The following SLC39A12 variants were observed in gnomAD, a reference collection of about 807,000 sequenced individuals.
SLC39A12 encodes solute carrier family 39 member 12.
In SLC39A12, 63 loss-of-function variants were observed where a neutral mutation model predicts 71.1. The observed-to-expected ratio is 0.89, with a 90% CI of 0.72 to 1.09. The LOEUF is 1.09. SLC39A12 is among the 50% of genes least tolerant of loss of function. The pLI is 0.00. For synonymous variants in SLC39A12, 351 were observed against 301.3 expected, an observed-to-expected ratio of 1.16 and a Z score of -1.71; for missense variants, 892 against 812.6, an observed-to-expected ratio of 1.10 and a Z score of -1.19.
chr10:18,013,120 T>C (rs999097226), intron 12 of SLC39A12, among the ~76,000 whole-genome samples: 11 of 151,442 alleles, frequency 7.3e-5, no homozygotes, highest in African/African-American at 2.7e-4. Flanking sequence ...TGTAATATTA[T>C]AATCTTTATA....
intron 12 of SLC39A12, among the ~76,000 whole-genome samples, chr10:18,021,554 A>G (rs771553786): frequency 2.0e-5 from 3 of 152,072 alleles, no homozygotes; most frequent in Non-Finnish European, 2.9e-5. Context: ...GCATACATTT[A>G]GGTCTTGCTT....
chr10:18,035,571 A>G (rs901982300), intron 12 of SLC39A12, among the ~76,000 whole-genome samples: 1 of 151,924 alleles, frequency 6.6e-6, no homozygotes, highest in Non-Finnish European at 1.5e-5. Flanking sequence ...CAAAGTTTTC[A>G]ACTTCTTTGC....
At chr10:17,959,813 G>C (rs1367530184) in intron 2 of SLC39A12, among the ~76,000 whole-genome samples, 1 of 152,176 alleles carries the variant, frequency 6.6e-6, no homozygotes, top group Admixed American at 6.5e-5. Flanking sequence ...GATTGCAGGA[G>C]CTGGGCATGT....
At chr10:18,019,624 G>A (rs1316444328) in intron 12 of SLC39A12, among the ~76,000 whole-genome samples, 6 of 151,520 alleles carry the variant, frequency 4.0e-5, no homozygotes, top group Non-Finnish European at 7.4e-5. Context: ...TCATTCATTC[G>A]AAACTTTTTT....
chr10:17,985,383 C>A (rs577373444), intron 6 of SLC39A12, among the ~76,000 whole-genome samples: 1 of 151,534 alleles, frequency 6.6e-6, no homozygotes, highest in South Asian at 2.1e-4. Flanking sequence ...AAAGAATGAA[C>A]CTTTTAGAAA....
chr10:18,026,420 C>T (rs1181515859), intron 12 of SLC39A12, among the ~76,000 whole-genome samples: 1 of 152,052 alleles, frequency 6.6e-6, no homozygotes, highest in Non-Finnish European at 1.5e-5. Context: ...TCAGATACTT[C>T]TCATCTTTGC....
chr10:17,998,297 G>T (rs1039738863), intron 10 of SLC39A12, among the ~76,000 whole-genome samples: 1 of 112,678 alleles, frequency 8.9e-6, no homozygotes, highest in Admixed American at 8.0e-5. Flanking sequence ...GTTTCTAGCA[G>T]AGTGTAATAT....
Position 17,993,193 on chromosome 10 carries a change from T to A in SLC39A12, c.1435T>A (p.Leu479Met). 1 of 1,551,400 alleles carries A rather than the reference T, an allele frequency of 6.4e-7. No homozygotes were observed. Among genetic ancestry groups the A allele is most frequent in the Non-Finnish European group, 8.7e-7 (1 of 1,146,784 alleles). Residue 479 changes from leucine (L) to methionine (M), a missense_variant, in exon 9 of 13, where the codon TTG becomes ATG. Leu to Met is a conservative substitution (Grantham distance 15, BLOSUM62 2). Transcript: ENST00000377369. ...VSPNDKQGLS[L>M]VNGHVGHSHH... ...CATCCTCATCCAGCAGGGCCTGTCA[T>A]TGGTTAATGGGCACGTGGGTCATTC...
chr10:17,988,886 G>T (rs867716493), intron 7 of SLC39A12, among the ~76,000 whole-genome samples: 1 of 152,136 alleles, frequency 6.6e-6, no homozygotes, highest in African/African-American at 2.4e-5. Context: ...TCCTGCGATT[G>T]CCAGTCTCTG....
chr10:17,990,389 A>T (rs1423532210), intron 7 of SLC39A12, among the ~76,000 whole-genome samples: 2 of 152,198 alleles, frequency 1.3e-5, no homozygotes, highest in Non-Finnish European at 2.9e-5. Flanking sequence ...ATCTATACAC[A>T]TATAATTTCT....
At chr10:18,015,607 C>T (rs1298285788) in intron 12 of SLC39A12, among the ~76,000 whole-genome samples, 2 of 148,110 alleles carry the variant, frequency 1.4e-5, no homozygotes, top group African/African-American at 2.5e-5. Context: ...TCTAGTAACT[C>T]GAAATATGCT....
At chr10:18,006,176 A>AC (rs1836011856) in intron 12 of SLC39A12, among the ~76,000 whole-genome samples, 2 of 152,260 alleles carry the variant, frequency 1.3e-5, no homozygotes, top group Admixed American at 1.3e-4. Context: ...ATGTGAAAAG[A>AC]CTAGCTAGAT....
intron 12 of SLC39A12, among the ~76,000 whole-genome samples, chr10:18,022,367 T>A (rs73607878): frequency 0.018 from 2,746 of 152,248 alleles, 87 homozygotes; most frequent in African/African-American, 0.062. Context: ...CTGAGTTAAT[T>A]TGAAGAACCA....
At chr10:18,039,000 T>G (rs1837144272) in intron 12 of SLC39A12, among the ~76,000 whole-genome samples, 2 of 152,186 alleles carry the variant, frequency 1.3e-5, no homozygotes, top group Non-Finnish European at 2.9e-5. Flanking sequence ...CCCAAAATAT[T>G]TTTCTCCATA....
At chr10:18,042,573 C>A in intron 12 of SLC39A12, 132 bp from the exon 13 acceptor site, 1 of 796,578 alleles carries the variant, frequency 1.3e-6, no homozygotes, top group Non-Finnish European at 1.8e-6. Flanking sequence ...AGGTATTCAG[C>A]ATTTTGTAAC....
intron 5 of SLC39A12, among the ~76,000 whole-genome samples, chr10:17,979,626 G>GA (rs921133567): frequency 1.4e-3 from 217 of 150,488 alleles, no homozygotes; most frequent in African/African-American, 4.4e-3. Flanking sequence ...TTGATAAAGG[G>GA]AAAAAAAAAC....
At chr10:18,030,614 T>TTATTTATG (rs1258285750) in intron 12 of SLC39A12, among the ~76,000 whole-genome samples, 2 of 116,170 alleles carry the variant, frequency 1.7e-5, no homozygotes, top group African/African-American at 5.9e-5. Context: ...TTTATTTTAT[T>TTATTTATG]TATTTATGTA....
chr10:17,982,129 A>G (rs928735413), intron 6 of SLC39A12, among the ~76,000 whole-genome samples: 2 of 152,116 alleles, frequency 1.3e-5, no homozygotes, highest in Non-Finnish European at 2.9e-5. Context: ...GATGAAGGTG[A>G]CCCATGCTGG....
intron 12 of SLC39A12, among the ~76,000 whole-genome samples, chr10:18,006,812 A>G (rs1836034894): frequency 6.6e-6 from 1 of 152,154 alleles, no homozygotes; most frequent in Non-Finnish European, 1.5e-5. Flanking sequence ...ATTCCTGGAA[A>G]GGGGCTCAAG....
Sources: gnomAD v4.1 joint callset for allele counts (sites outside exome capture counted in the v4.1 genomes callset) on GRCh38, gnomAD v4.1.1 for gene constraint, MANE v1.5 for transcripts, NCBI Gene and HGNC (gene_info 2026-07-23, HGNC 2026-07-21) for gene names.